The following TNNI3K variants were observed in gnomAD, a reference collection of about 807,000 sequenced individuals.
TNNI3K encodes serine/threonine-protein kinase TNNI3K.
TNNI3K carries 140 observed loss-of-function variants against 114.5 expected under a neutral mutation model. The ratio of observed to expected loss-of-function variants is 1.22; its 90% CI spans 1.07 to 1.41. TNNI3K has a LOEUF of 1.41. TNNI3K is among the 40% of genes most tolerant of loss of function. The pLI is 0.00. For synonymous variants in TNNI3K, 347 were observed against 347.5 expected (o/e 1.00, Z 0.02); for missense variants, 1,125 against 1,007.6 (o/e 1.12, Z -1.58).
At chr1:74,364,468 G>A (rs1391046140) in intron 11 of TNNI3K, among the ~76,000 whole-genome samples, 1 of 151,854 alleles carries the variant, frequency 6.6e-6, no homozygotes, top group Non-Finnish European at 1.5e-5. Flanking sequence ...GTAGAGTAAT[G>A]CCCCCTCAAA....
intron 17 of TNNI3K, among the ~76,000 whole-genome samples, chr1:74,389,768 G>A (rs1216477581): frequency 3.3e-5 from 5 of 152,132 alleles, no homozygotes; most frequent in African/African-American, 2.4e-5. Flanking sequence ...TTTAGAAGTT[G>A]GAAAGGGCTA....
chr1:74,504,489 C>G (rs1431511189), intron 23 of TNNI3K, among the ~76,000 whole-genome samples: 1 of 152,078 alleles, frequency 6.6e-6, no homozygotes, highest in Non-Finnish European at 1.5e-5. Flanking sequence ...TTAAAACCAC[C>G]CTTAGTTTGA....
At chr1:74,364,418 C>T (rs1017561075) in intron 11 of TNNI3K, among the ~76,000 whole-genome samples, 1 of 151,882 alleles carries the variant, frequency 6.6e-6, no homozygotes, top group East Asian at 1.9e-4. Flanking sequence ...ACAAGCAAGG[C>T]ACAAGCACAC....
intron 11 of TNNI3K, among the ~76,000 whole-genome samples, chr1:74,355,714 G>A (rs532477112): frequency 6.6e-6 from 1 of 152,124 alleles, no homozygotes; most frequent in Non-Finnish European, 1.5e-5. Flanking sequence ...TAGAGCTGTT[G>A]TAAGCATGCA....
chr1:74,410,592 C>T (rs1000293851), intron 17 of TNNI3K, among the ~76,000 whole-genome samples: 1 of 152,184 alleles, frequency 6.6e-6, no homozygotes, highest in Non-Finnish European at 1.5e-5. Flanking sequence ...CAGACCTTGT[C>T]TAATATTTCT....
chr1:74,528,539 G>A (rs114625529), intron 23 of TNNI3K, among the ~76,000 whole-genome samples: 1,781 of 152,210 alleles, frequency 0.012, 19 homozygotes, highest in Non-Finnish European at 0.019. Flanking sequence ...GTACATTCAG[G>A]GACAATGATC....
chr1:74,315,455 A>G (rs957166995), intron 5 of TNNI3K, among the ~76,000 whole-genome samples: 2 of 152,122 alleles, frequency 1.3e-5, no homozygotes, highest in Non-Finnish European at 2.9e-5. Context: ...TTTGTATATT[A>G]CAATGTCAGA....
intron 21 of TNNI3K, chr1:74,480,803 G>A: frequency 1.4e-6 from 1 of 717,576 alleles, no homozygotes; most frequent in South Asian, 1.5e-5. Context: ...CAGCAACAAG[G>A]TCCGCAACAT....
intron 17 of TNNI3K, among the ~76,000 whole-genome samples, chr1:74,408,904 T>G (rs1664748883): frequency 6.6e-6 from 1 of 151,998 alleles, no homozygotes; most frequent in African/African-American, 2.4e-5. Flanking sequence ...ATCACACATA[T>G]GCCTTAATTA....
intron 20 of TNNI3K, among the ~76,000 whole-genome samples, chr1:74,453,161 A>T (rs982130269): frequency 6.6e-6 from 1 of 152,206 alleles, no homozygotes; most frequent in Admixed American, 6.5e-5. Context: ...ATTTTAGTTC[A>T]TGGACCCCAG....
intron 23 of TNNI3K, among the ~76,000 whole-genome samples, chr1:74,500,448 A>G (rs1669557013): frequency 6.6e-6 from 1 of 150,960 alleles, no homozygotes; most frequent in Non-Finnish European, 1.5e-5. Flanking sequence ...CTAAAAATAC[A>G]AAAAAATTAG....
intron 21 of TNNI3K, chr1:74,470,365 ATATTTTTCTCTTCTTTCCCTAC>A (rs1040937929): frequency 5.0e-6 from 2 of 400,510 alleles, no homozygotes; most frequent in African/African-American, 4.1e-5. Context: ...TTCATCAAGC[ATATTTTTCTCTTCTTTCCCTAC>A]TATTTTTATC....
chr1:74,348,474 A>G (rs918045236), intron 9 of TNNI3K, among the ~76,000 whole-genome samples: 5 of 152,152 alleles, frequency 3.3e-5, no homozygotes, highest in Admixed American at 1.3e-4. Flanking sequence ...TTGACTTGGC[A>G]ATGCGGGCTC....
chr1:74,367,043 C>T (rs561387047), intron 11 of TNNI3K, among the ~76,000 whole-genome samples: 1 of 152,090 alleles, frequency 6.6e-6, no homozygotes, highest in Non-Finnish European at 1.5e-5. Context: ...TACCCATTCC[C>T]AGTAGAGTGC....
chr1:74,485,250 T>C (rs78189446), intron 21 of TNNI3K, among the ~76,000 whole-genome samples: 2,007 of 152,308 alleles, frequency 0.013, 37 homozygotes, highest in African/African-American at 0.046. Flanking sequence ...CAGAGTACAG[T>C]GAATTTCCAT....
intron 23 of TNNI3K, among the ~76,000 whole-genome samples, chr1:74,534,199 T>C (rs116954176): frequency 0.017 from 2,299 of 132,602 alleles, 47 homozygotes; most frequent in South Asian, 0.074. Flanking sequence ...AAAACAATTC[T>C]CTGTAATTGT....
At chr1:74,294,494 A>T (rs1008924021) in intron 5 of TNNI3K, among the ~76,000 whole-genome samples, 1 of 152,062 alleles carries the variant, frequency 6.6e-6, no homozygotes, top group Admixed American at 6.6e-5. Context: ...CTCCTCAGTG[A>T]TGTCATGCAA....
At chr1:74,438,857 A>G (rs1168443391) in intron 19 of TNNI3K, among the ~76,000 whole-genome samples, 5 of 152,124 alleles carry the variant, frequency 3.3e-5, no homozygotes, top group Non-Finnish European at 5.9e-5. Context: ...TTGCACAAAC[A>G]GCATTCATAA....
chr1:74,438,269 T>G (rs1289583102), intron 19 of TNNI3K, among the ~76,000 whole-genome samples: 5 of 151,832 alleles, frequency 3.3e-5, no homozygotes, highest in Admixed American at 3.3e-4. Context: ...GCTATAAAAA[T>G]GTAGACTCTT....
Sources: gnomAD v4.1 joint callset for allele counts (sites outside exome capture counted in the v4.1 genomes callset) on GRCh38, gnomAD v4.1.1 for gene constraint, MANE v1.5 for transcripts, NCBI Gene and HGNC (gene_info 2026-07-23, HGNC 2026-07-21) for gene names.